The following SLC39A11 variants were observed in gnomAD, a reference collection of about 807,000 sequenced individuals.
SLC39A11 encodes the protein solute carrier family 39 member 11.
SLC39A11 carries 33 observed loss-of-function variants against 36.1 expected under a neutral mutation model. The observed-to-expected ratio is 0.91, with a 90% CI of 0.69 to 1.22. The LOEUF is 1.22. Ranked by LOEUF, SLC39A11 falls within the 50% of genes most tolerant of loss-of-function variation. The probability of loss-of-function intolerance (pLI) is 0.00; values close to 1 mark genes in which losing one functional copy is unlikely to be tolerated. For missense variants in SLC39A11, 432 were observed against 430.3 expected (o/e 1.00, Z -0.03); for synonymous variants, 166 against 170.3 (o/e 0.97, Z 0.20).
intron 7 of SLC39A11, among the ~76,000 whole-genome samples, chr17:72,673,498 G>A (rs1479075857): frequency 1.3e-5 from 2 of 151,862 alleles, no homozygotes; most frequent in East Asian, 3.9e-4. Flanking sequence ...TGCACATCAG[G>A]TGGTAATAGA....
chr17:73,086,757 T>A (rs935152968), intron 2 of SLC39A11, among the ~76,000 whole-genome samples: 4 of 151,780 alleles, frequency 2.6e-5, no homozygotes, highest in African/African-American at 9.7e-5. Flanking sequence ...GAGGTGGAGG[T>A]TGCAGTGAGC....
chr17:72,675,686 C>A (rs1406670554), intron 7 of SLC39A11, among the ~76,000 whole-genome samples: 2 of 121,500 alleles, frequency 1.6e-5, no homozygotes, highest in East Asian at 4.9e-4. Context: ...CGCCAGATGT[C>A]CCAATTGTGT....
chr17:72,938,670 T>C (rs1011689822), intron 5 of SLC39A11, among the ~76,000 whole-genome samples: 2 of 152,182 alleles, frequency 1.3e-5, no homozygotes, highest in Admixed American at 6.5e-5. Context: ...TCTTAAATCT[T>C]CGACAAATAA....
intron 4 of SLC39A11, 34 bp downstream of exon 4, chr17:73,031,522 C>T: frequency 6.2e-7 from 1 of 1,610,790 alleles, no homozygotes; most frequent in South Asian, 1.1e-5. Flanking sequence ...TGGTTGTATC[C>T]CGATACGACA....
chr17:73,003,006 C>A (rs551700989), intron 4 of SLC39A11, among the ~76,000 whole-genome samples: 89 of 152,296 alleles, frequency 5.8e-4, no homozygotes, highest in Non-Finnish European at 1.0e-4. Flanking sequence ...ATCTCCACAT[C>A]CTTAACTTAA....
chr17:72,741,094 A>T (rs1383543985), intron 6 of SLC39A11, among the ~76,000 whole-genome samples: 2 of 152,210 alleles, frequency 1.3e-5, no homozygotes, highest in Non-Finnish European at 2.9e-5. Flanking sequence ...TTTTAAGCAG[A>T]CGCCCGCAAC....
At chr17:73,044,632 G>A (rs1020113290) in intron 3 of SLC39A11, among the ~76,000 whole-genome samples, 2 of 152,118 alleles carry the variant, frequency 1.3e-5, no homozygotes, top group Admixed American at 6.5e-5. Flanking sequence ...CCAGCAATTT[G>A]GGAGGCCGAG....
chr17:72,766,903 CAG>C (rs1265953089), intron 6 of SLC39A11, among the ~76,000 whole-genome samples: 1 of 152,144 alleles, frequency 6.6e-6, no homozygotes. Flanking sequence ...CCTCCCTGAC[CAG>C]AGACATGCCA....
At chr17:73,001,065 C>G (rs980837099) in intron 4 of SLC39A11, among the ~76,000 whole-genome samples, 4 of 152,144 alleles carry the variant, frequency 2.6e-5, no homozygotes, top group Non-Finnish European at 5.9e-5. Flanking sequence ...GACACCATCA[C>G]CAGCCTGCTG....
At chr17:72,976,169 C>CAAAAA (rs71154939) in intron 4 of SLC39A11, among the ~76,000 whole-genome samples, 6 of 68,340 alleles carry the variant, frequency 8.8e-5, no homozygotes, top group Non-Finnish European at 1.6e-4. Context: ...GACTCCATCT[C>CAAAAA]AAAAAAAAAA....
Position 72,849,776 on chromosome 17 carries a change from C to T in SLC39A11, c.459G>A (p.Gln153=). 1 of 1,585,476 alleles carries T rather than the reference C, an allele frequency of 6.3e-7. No homozygotes were observed. Among genetic ancestry groups the T allele is most frequent in the South Asian group, 1.2e-5 (1 of 86,466 alleles). ...IDKSENGEAY[Q]RKKAAATGLP... ...GGCCAGTGGCTGCCGCCTTCTTTCT[C>T]TGATATGCCTCACCATTCTCACTCT... The change falls in exon 6 of 10, where the codon CAG becomes CAA. Residue 153 remains glutamine (Q), a synonymous_variant. Transcript: ENST00000255559.
intron 2 of SLC39A11, among the ~76,000 whole-genome samples, chr17:73,087,836 A>G (rs1432420097): frequency 1.3e-5 from 2 of 152,098 alleles, no homozygotes; most frequent in African/African-American, 4.8e-5. Flanking sequence ...ATTCATCCCA[A>G]GGGGAAAGGA....
chr17:73,035,863 C>CAAAAAAAA (rs1174297357), intron 3 of SLC39A11, among the ~76,000 whole-genome samples: 5 of 65,552 alleles, frequency 7.6e-5, no homozygotes, highest in African/African-American at 1.3e-4. Context: ...CACTCCATCT[C>CAAAAAAAA]AAAAAAAAAA....
intron 6 of SLC39A11, among the ~76,000 whole-genome samples, chr17:72,825,162 A>G (rs2077964821): frequency 1.4e-5 from 2 of 140,870 alleles, no homozygotes; most frequent in Non-Finnish European, 3.3e-5. Context: ...TTTGCAGACC[A>G]GACTCAGGGC....
chr17:73,008,699 A>G (rs2090331029), intron 4 of SLC39A11, among the ~76,000 whole-genome samples: 1 of 152,226 alleles, frequency 6.6e-6, no homozygotes, highest in Admixed American at 6.5e-5. Context: ...CCAGCAATGG[A>G]TGAATGGAAC....
At chr17:72,847,909 A>G (rs1458532166) in intron 6 of SLC39A11, among the ~76,000 whole-genome samples, 1 of 152,226 alleles carries the variant, frequency 6.6e-6, no homozygotes, top group Non-Finnish European at 1.5e-5. Flanking sequence ...ACAGATTGGC[A>G]CCATGAACTC....
chr17:72,714,526 T>C (rs2073263031), intron 7 of SLC39A11, among the ~76,000 whole-genome samples: 3 of 152,346 alleles, frequency 2.0e-5, no homozygotes. Flanking sequence ...ACCCTGCTGC[T>C]GACAGTGTCA....
At chr17:72,949,318 G>A (rs776985102) in intron 4 of SLC39A11, among the ~76,000 whole-genome samples, 4 of 151,378 alleles carry the variant, frequency 2.6e-5, no homozygotes, top group Non-Finnish European at 4.4e-5. Context: ...TCACCACCAC[G>A]CCGGGCTAAT....
intron 5 of SLC39A11, among the ~76,000 whole-genome samples, chr17:72,944,610 A>G (rs1598518371): frequency 1.3e-5 from 2 of 152,196 alleles, no homozygotes; most frequent in Non-Finnish European, 2.9e-5. Context: ...GTACTCATGC[A>G]TGGAGCCCAG....
Sources: gnomAD v4.1 joint callset for allele counts (sites outside exome capture counted in the v4.1 genomes callset) on GRCh38, gnomAD v4.1.1 for gene constraint, MANE v1.5 for transcripts, NCBI Gene and HGNC (gene_info 2026-07-23, HGNC 2026-07-21) for gene names.